Variants in UNC13D observed in about 807,000 individuals in gnomAD.
UNC13D encodes the protein protein unc-13 homolog D.
A neutral mutation model predicts 151.7 loss-of-function variants in UNC13D; 115 were observed. That is an observed-to-expected ratio of 0.76 (90% CI 0.65 to 0.88). The LOEUF (loss-of-function observed/expected upper bound fraction) is 0.88, where lower values mean the gene tolerates loss of function less well. Ranked by LOEUF, UNC13D falls within the 40% of genes least tolerant of loss-of-function variation. The pLI is 0.00. For missense variants in UNC13D, 1,369 were observed against 1,438.7 expected (o/e 0.95, Z 0.78); for synonymous variants, 588 against 612.2 (o/e 0.96, Z 0.58).
chr17:75,830,769 A>G (rs117732704), intron 27 of UNC13D, 108 bp from the exon 28 acceptor site: 3 of 1,354,102 alleles, frequency 2.2e-6, no homozygotes, highest in South Asian at 2.5e-5. Context: ...TTTGAAATGG[A>G]AAGTATTGGG....
chr17:75,832,959 T>C lies in UNC13D; in HGVS notation c.2447+7A>G. On this transcript the variant is annotated splice_region_variant and intron_variant, in intron 25 of 31. Transcript: ENST00000207549. The surrounding 1 kb of genome is among the most constrained non-coding windows in gnomAD (Gnocchi z 4.3). ...CGAGCGCGCCCAGGGCAGGGGCTGC[T>C]ACAGACCTGCTGAAGTTCTCCTGCA... 1 of 1,577,892 alleles carries C rather than the reference T, an allele frequency of 6.3e-7. No individual in the cohort carries two copies. The highest frequency in any genetic ancestry group is 1.2e-5 in the South Asian group (1 of 85,976).
rs775555882 is a variant in UNC13D at position 75,835,871 on chromosome 17, C to T, written c.1580G>A (p.Arg527Gln). ...LKIHLFSMAF[R>Q]ELQWLVAKRV... ...GGGACTCACCAGCCACTGCAGCTCC[C>T]GGAAAGCCATGGAGAAGAGGTGGAT... Residue 527 changes from arginine (R) to glutamine (Q), a missense_variant, in exon 18 of 32, where the codon CGG becomes CAG. Transcript: ENST00000207549. 25 of 1,614,050 alleles carry T rather than the reference C, an allele frequency of 1.5e-5. No homozygotes were observed. The highest frequency in any genetic ancestry group is 1.3e-4 in the South Asian group (12 of 91,084).
chr17:75,828,770 C>G lies in UNC13D; in HGVS notation c.3151+17G>C. On this transcript the variant is annotated intron_variant, in intron 31 of 31. Coordinates refer to ENST00000207549, the MANE Select transcript of UNC13D (RefSeq NM_199242.3). ...GGCTCCCGTCCCCGCACCACCCTGC[C>G]CTGGGCTCAGGCCTACCGTTGGGTG... The G allele has an allele frequency of 6.6e-7, 1 of 1,523,992 alleles. No homozygotes were observed. Among genetic ancestry groups the G allele is most frequent in the Non-Finnish European group, 8.8e-7 (1 of 1,134,266 alleles). 94.4% of individuals were successfully genotyped at this position (1,523,992 alleles called of 1,614,324 possible). A position where few individuals can be genotyped will look rare whatever the true frequency, so the allele number is the denominator to read the frequency against.
intron 23 of UNC13D, 42 bp from the exon 24 acceptor site, chr17:75,834,185 A>C (rs2064890474): frequency 6.2e-7 from 1 of 1,611,462 alleles, no homozygotes; most frequent in Non-Finnish European, 8.5e-7. Context: ...TCAGGGCATG[A>C]GTCGGGGATG....
rs1599400408 is a variant in UNC13D, at chr17:75,827,431, G to C, written c.*534C>G. Reference sequence around the variant, plus strand: ...TTCTTGGCTCCAGGCTTCCTGGCCTGGATGCTGGCAGCCCCTGGGGAGAGG... The same window carrying C: ...TTCTTGGCTCCAGGCTTCCTGGCCTCGATGCTGGCAGCCCCTGGGGAGAGG... On this transcript the variant is annotated 3_prime_UTR_variant, in exon 32 of 32. Coordinates refer to ENST00000207549, the MANE Select transcript of UNC13D (RefSeq NM_199242.3). The C allele has an allele frequency of 7.0e-7, 1 of 1,424,634 alleles. No individual in the cohort carries two copies. Among genetic ancestry groups the C allele is most frequent in the African/African-American group, 1.4e-5 (1 of 69,604 alleles). 88.2% of individuals were successfully genotyped at this position (1,424,634 alleles called of 1,614,324 possible).
chr17:75,834,602 C>T lies in UNC13D; in HGVS notation c.2091+16G>A, dbSNP rs10401023. 1.2e-6 allele frequency: 2 copies of T among 1,613,786 alleles called. No homozygotes were observed. The highest frequency in any genetic ancestry group is 2.7e-5 in the African/African-American group (2 of 75,056). On this transcript the variant is annotated intron_variant, in intron 22 of 31. Transcript: ENST00000207549. ...CCCACACCCAGCTAGACTCCCAGCC[C>T]CAGCTCTGGCCTTACCATGTTGGCT... is the stretch of plus-strand genomic sequence containing the variant.
rs2064935544 is a variant in UNC13D at position 75,839,936 on chromosome 17, T to C, written c.958A>G (p.Ser320Gly). Residue 320 changes from serine (S) to glycine (G), a missense_variant, in exon 12 of 32, where the codon AGC becomes GGC. Coordinates refer to ENST00000207549, the MANE Select transcript of UNC13D (RefSeq NM_199242.3). ...SHEVTQHEAG[S>G]TSWDGSLSPQ... ...CTCAGCGACCCGTCCCAGGAGGTGC[T>C]TCCCGCCTGAGGGGAGCAGGTGGAG... is the stretch of plus-strand genomic sequence containing the variant. 1 of 1,613,562 alleles carries C rather than the reference T, an allele frequency of 6.2e-7. No homozygotes were observed. Among genetic ancestry groups the C allele is most frequent in the Non-Finnish European group, 8.5e-7 (1 of 1,179,978 alleles).
intron 27 of UNC13D, 52 bp downstream of exon 27, chr17:75,831,045 CA>C: frequency 6.8e-6 from 11 of 1,608,578 alleles, no homozygotes; most frequent in Non-Finnish European, 9.3e-6. Context: ...AGGTGAGTGC[CA>C]AAAGGCAGGC....
At chr17:75,837,305 A>T (rs1029092277) in intron 12 of UNC13D, among the ~76,000 whole-genome samples, 11 of 150,368 alleles carry the variant, frequency 7.3e-5, no homozygotes, top group African/African-American at 2.7e-4. Context: ...ACCTCAAGTG[A>T]TCCACCCGCC....
Position 75,842,241 on chromosome 17 carries a change from A to G in UNC13D, c.569+192T>C, listed in dbSNP as rs8066943. ...TCCTTGCCCCATCAGCACGTGTGGCATTGATCTTGTTCTGTCCCATCTGAC... is the reference window on the plus strand; with the variant it reads ...TCCTTGCCCCATCAGCACGTGTGGCGTTGATCTTGTTCTGTCCCATCTGAC... On this transcript the variant is annotated intron_variant, in intron 6 of 31. Coordinates refer to ENST00000207549, the MANE Select transcript of UNC13D (RefSeq NM_199242.3). Among the ~76,000 whole-genome samples, 23,065 of 152,136 alleles carry G rather than the reference A, an allele frequency of 0.15. 2,828 individuals carry two copies. Among genetic ancestry groups the G allele is most frequent in the African/African-American group, 0.33 (13,574 of 41,478 alleles).
chr17:75,833,269 G>C lies in UNC13D; in HGVS notation c.2368-224C>G, dbSNP rs2064884572. 2.1e-6 allele frequency: 1 copy of C among 466,486 alleles called. No homozygotes were observed. Among genetic ancestry groups the C allele is most frequent in the Non-Finnish European group, 4.0e-6 (1 of 249,410 alleles). The allele number at this position is 466,486 out of a possible 1,614,324, so 28.9% of individuals were successfully genotyped here. ...CCTCTACAGCCCTGGAACCTTCCAG[G>C]CATGGTCCTGCCTCAGGGTCTCTGC... On this transcript the variant is annotated intron_variant, in intron 24 of 31. Coordinates refer to ENST00000207549, the MANE Select transcript of UNC13D (RefSeq NM_199242.3). This position sits in a 1 kb window ranked among gnomAD's most constrained non-coding sequence, Gnocchi z 4.0.
rs1210798155 is a variant in UNC13D, at chr17:75,844,121, G to T, written c.117+100C>A. The stretch of plus-strand genomic sequence containing the variant: ...GGCAGGGGAGGGTCGCTGGTCCCCA[G>T]TCCCAGCCTTCGAGAGGTGGGGCCA... On this transcript the variant is annotated intron_variant, in intron 1 of 31. Transcript: ENST00000207549. 7 of 1,540,476 alleles carry T rather than the reference G, an allele frequency of 4.5e-6. No individual in the cohort carries two copies. In the Admixed American group the frequency reaches 1.2e-4, roughly 26 times the overall value.
chr17:75,835,202 C>A, intron 20 of UNC13D, 139 bp from the exon 21 acceptor site: 3 of 1,463,992 alleles, frequency 2.0e-6, no homozygotes, highest in East Asian at 2.5e-5. Context: ...TCCGCCCAGA[C>A]CCCCAGGCTG....
Position 75,835,484 on chromosome 17 carries a change from C to T in UNC13D, c.1773G>A (p.Pro591=), listed in dbSNP as rs367988204. Residue 591 remains proline (P), a synonymous_variant, in exon 20 of 32, where the codon CCG becomes CCA. Transcript: ENST00000207549. ...ALDNFHRWFQ[P]AIPSWLQKTY... ...TCTTCTGCAGCCAGGAGGGGATGGC[C>T]GGCTGGAACCAGCGGTGGAAATTAT... The T allele has an allele frequency of 2.4e-5, 39 of 1,611,750 alleles. No individual in the cohort carries two copies. Among genetic ancestry groups the T allele is most frequent in the South Asian group, 5.5e-5 (5 of 90,874 alleles).
chr17:75,829,860 GAGC>G, intron 30 of UNC13D, 165 bp downstream of exon 30: 2 of 1,069,188 alleles, frequency 1.9e-6, no homozygotes, highest in Non-Finnish European at 1.3e-6. Flanking sequence ...TGACAGGTGT[GAGC>G]CACCACATCC....
chr17:75,831,287 G>A lies in UNC13D; in HGVS notation c.2509C>T (p.Arg837Cys), dbSNP rs1310341714. ...TVLVEAAASQRSSSLASNRLK... is the reference protein window; with the variant it reads ...TVLVEAAASQCSSSLASNRLK... Reference sequence around the variant, plus strand: ...CTGTTGGAAGCCAGGGATGAGCTGCGCTGGGAGGCGGCCGCCTCCACCAGC... The same window carrying A: ...CTGTTGGAAGCCAGGGATGAGCTGCACTGGGAGGCGGCCGCCTCCACCAGC... Residue 837 changes from arginine (R) to cysteine (C), a missense_variant, in exon 26 of 32, where the codon CGC (arginine) becomes TGC (cysteine). Arg to Cys is a radical substitution (Grantham distance 180). Coordinates refer to ENST00000207549, the MANE Select transcript of UNC13D (RefSeq NM_199242.3). 16 of 1,613,722 alleles carry A rather than the reference G, an allele frequency of 9.9e-6. No individual in the cohort carries two copies. Among genetic ancestry groups the A allele is most frequent in the Admixed American group, 6.7e-5 (4 of 60,012 alleles).
intron 6 of UNC13D, among the ~76,000 whole-genome samples, chr17:75,842,213 C>A (rs753650325): frequency 1.3e-5 from 2 of 152,238 alleles, no homozygotes; most frequent in Non-Finnish European, 2.9e-5. Context: ...AAGGGCCTGA[C>A]CCTCCTTGCC....
rs971748847 is a variant in UNC13D at position 75,833,207 on chromosome 17, C to T, written c.2368-162G>A. On this transcript the variant is annotated intron_variant, in intron 24 of 31. Coordinates refer to ENST00000207549, the MANE Select transcript of UNC13D (RefSeq NM_199242.3). The surrounding 1 kb of genome is among the most constrained non-coding windows in gnomAD (Gnocchi z 4.0). ...GGCCTGCCCACCTCTCTGCCTTCCC[C>T]TCTCCGTTGCTCAGCCTGTCCCAGC... 7.8e-6 allele frequency: 5 copies of T among 637,202 alleles called. No individual in the cohort carries two copies. Among genetic ancestry groups the T allele is most frequent in the Non-Finnish European group, 1.1e-5 (4 of 353,184 alleles). 39.5% of individuals were successfully genotyped at this position (637,202 alleles called of 1,614,324 possible).
At chr17:75,839,406 C>CA (rs34913290) in intron 12 of UNC13D, among the ~76,000 whole-genome samples, 1,314 of 110,634 alleles carry the variant, frequency 0.012, 11 homozygotes, top group African/African-American at 0.028. Flanking sequence ...AACTCCGTTT[C>CA]AAAAAAAAAA....
Sources: gnomAD v4.1 joint callset for allele counts (sites outside exome capture counted in the v4.1 genomes callset) on GRCh38, gnomAD v4.1.1 for gene constraint, Gnocchi (gnomAD v3.1) non-coding constraint, MANE v1.5 for transcripts, NCBI Gene and HGNC (gene_info 2026-07-23, HGNC 2026-07-21) for gene names.